LPIN2: variants seen among roughly 807,000 people sequenced by gnomAD.
LPIN2 encodes lipin 2.
Under a neutral mutation model 111.4 loss-of-function variants are expected in LPIN2, and 55 were observed. The ratio of observed to expected loss-of-function variants is 0.49; its 90% CI spans 0.40 to 0.62. LPIN2 has a LOEUF of 0.62. Ranked by LOEUF, LPIN2 falls within the 20% of genes least tolerant of loss-of-function variation. LPIN2 has a pLI of 0.00. For synonymous variants in LPIN2, 425 were observed against 414.0 expected (o/e 1.03, Z -0.32); for missense variants, 992 against 1,112.1 (o/e 0.89, Z 1.54).
intron 9 of LPIN2, 81 bp downstream of exon 9, chr18:2,931,175 A>G (rs1336526814): frequency 2.1e-6 from 3 of 1,461,886 alleles, no homozygotes; most frequent in Non-Finnish European, 2.8e-6. Flanking sequence ...AATATCCTGA[A>G]ATGGCTACAC....
At chr18:2,995,959 C>CCA (rs1162658278) in intron 1 of LPIN2, among the ~76,000 whole-genome samples, 1 of 152,130 alleles carries the variant, frequency 6.6e-6, no homozygotes, top group Admixed American at 6.5e-5. Context: ...AAGCAGGGTA[C>CCA]CAAGCTTCCT....
intron 1 of LPIN2, among the ~76,000 whole-genome samples, chr18:2,987,517 C>T (rs1322983177): frequency 1.3e-5 from 2 of 152,092 alleles, no homozygotes; most frequent in Non-Finnish European, 2.9e-5. Flanking sequence ...TTATTTTTTT[C>T]CACGTGGACA....
intron 1 of LPIN2, chr18:2,990,849 G>T: frequency 2.3e-6 from 1 of 440,490 alleles, no homozygotes. Context: ...TTCCCCGCCG[G>T]CAGGGACAAT....
At chr18:2,966,550 C>A (rs2077807040) in intron 1 of LPIN2, among the ~76,000 whole-genome samples, 1 of 152,206 alleles carries the variant, frequency 6.6e-6, no homozygotes, top group African/African-American at 2.4e-5. Context: ...AGAACCTAAG[C>A]CCTTAATTGC....
intron 1 of LPIN2, among the ~76,000 whole-genome samples, chr18:2,987,256 CAG>C (rs545159855): frequency 1.3e-5 from 2 of 152,232 alleles, no homozygotes; most frequent in Admixed American, 1.3e-4. Flanking sequence ...CTCACAATAA[CAG>C]GGGTGGCTCA....
At chr18:2,984,266 C>T (rs1181684668) in intron 1 of LPIN2, among the ~76,000 whole-genome samples, 1 of 152,074 alleles carries the variant, frequency 6.6e-6, no homozygotes, top group Non-Finnish European at 1.5e-5. Flanking sequence ...GCCTTCTAGC[C>T]CAGCATAGTA....
At chr18:2,923,509 T>G (rs1301300712) in intron 16 of LPIN2, among the ~76,000 whole-genome samples, 3 of 141,336 alleles carry the variant, frequency 2.1e-5, no homozygotes, top group African/African-American at 7.9e-5. Flanking sequence ...AAATTCTAGC[T>G]AAAAAAATAA....
chr18:2,937,605 A>C lies in LPIN2; in HGVS notation c.1168+87T>G, dbSNP rs560308554. On this transcript the variant is annotated intron_variant, in intron 7 of 19. Coordinates refer to ENST00000677752, the MANE Select transcript of LPIN2 (RefSeq NM_001375808.2). ...GGTTTCGACTGGTGAATACAAATAC[A>C]GAGGCAGCCATCACGTTATGTGGAA... 52 of 1,047,352 alleles carry C rather than the reference A, an allele frequency of 5.0e-5. No homozygotes were observed. In the African/African-American group the frequency reaches 7.0e-4, roughly 14 times the overall value. The allele number at this position is 1,047,352 out of a possible 1,614,324, so 64.9% of individuals were successfully genotyped here.
chr18:2,942,038 C>T (rs902223497), intron 4 of LPIN2, among the ~76,000 whole-genome samples: 2 of 152,128 alleles, frequency 1.3e-5, no homozygotes, highest in Non-Finnish European at 2.9e-5. Flanking sequence ...TGAGAATATC[C>T]ACATCACTTA....
intron 3 of LPIN2, among the ~76,000 whole-genome samples, chr18:2,952,168 T>C (rs1033187478): frequency 6.6e-6 from 1 of 152,238 alleles, no homozygotes; most frequent in Non-Finnish European, 1.5e-5. Flanking sequence ...GGCTCACGCC[T>C]GCAATCCCAG....
chr18:2,953,942 G>A (rs1215932984), intron 3 of LPIN2, among the ~76,000 whole-genome samples: 1 of 152,012 alleles, frequency 6.6e-6, no homozygotes, highest in Non-Finnish European at 1.5e-5. Context: ...TGGGGAGGGG[G>A]GATTTTAACA....
rs1450552521 is a variant in LPIN2 at position 2,925,693 on chromosome 18, CAT to C, written c.1794-327_1794-326del. ...TTCACAAGGCACAAATCAAAGAAAA[CAT>C]AATCGCTTACAATGATTTAACAAAC... On this transcript the variant is annotated intron_variant, in intron 13 of 19. Transcript: ENST00000677752. The surrounding 1 kb of genome is among the most constrained non-coding windows in gnomAD (Gnocchi z 4.1). Among the ~76,000 whole-genome samples, 1 of 152,222 alleles carries C rather than the reference CAT, an allele frequency of 6.6e-6. No homozygotes were observed. Among genetic ancestry groups the C allele is most frequent in the Non-Finnish European group, 1.5e-5 (1 of 68,040 alleles).
chr18:2,937,791 A>G lies in LPIN2; in HGVS notation c.1069T>C (p.Ser357Pro). 1 of 1,614,094 alleles carries G rather than the reference A, an allele frequency of 6.2e-7. No individual in the cohort carries two copies. Among genetic ancestry groups the G allele is most frequent in the Non-Finnish European group, 8.5e-7 (1 of 1,180,024 alleles). Reference sequence around the variant, plus strand: ...GGAAGGTGGTCAGCATCTAACATAGATGAAATCTGAGTACTCTCAAGAGGA... The same window carrying G: ...GGAAGGTGGTCAGCATCTAACATAGGTGAAATCTGAGTACTCTCAAGAGGA... ...EPPLESTQIS[S>P]MLDADHLPNA... Residue 357 changes from serine to proline, a missense_variant, in exon 7 of 20, where the codon TCT (serine) becomes CCT (proline). By Grantham distance (74) the Ser-to-Pro change is moderately conservative (BLOSUM62 -1). Transcript: ENST00000677752.
intron 2 of LPIN2, among the ~76,000 whole-genome samples, chr18:2,956,450 C>T (rs186315017): frequency 2.7e-3 from 406 of 152,102 alleles, no homozygotes; most frequent in South Asian, 6.0e-3. Flanking sequence ...GATCTTTGTT[C>T]GTAAATACTA....
rs1461281935 is a variant in LPIN2 at position 2,944,863 on chromosome 18, A to C, written c.591-4151T>G. Among the ~76,000 whole-genome samples, 3 of 152,314 alleles carry C rather than the reference A, an allele frequency of 2.0e-5. No homozygotes were observed. The East Asian group carries it at 5.8e-4, about 29-fold the overall frequency. Reference sequence around the variant, plus strand: ...TCTTATAAAATGGTGAATTTTAATCAAATTGATACCTCTGTATTCTTATTT... The same window carrying C: ...TCTTATAAAATGGTGAATTTTAATCCAATTGATACCTCTGTATTCTTATTT... On this transcript the variant is annotated intron_variant, in intron 4 of 19. Coordinates refer to ENST00000677752, the MANE Select transcript of LPIN2 (RefSeq NM_001375808.2).
chr18:2,926,245 G>A (rs1304423918), intron 13 of LPIN2, among the ~76,000 whole-genome samples: 1 of 152,244 alleles, frequency 6.6e-6, no homozygotes, highest in Non-Finnish European at 1.5e-5. Flanking sequence ...CAAGGGCTGG[G>A]AGAAGCAAGC....
At chr18:2,920,464 C>T (rs745642226) in intron 19 of LPIN2, 27 bp from the exon 20 acceptor site, 5 of 1,613,064 alleles carry the variant, frequency 3.1e-6, no homozygotes, top group East Asian at 2.2e-5. Flanking sequence ...GGAAGAGGCA[C>T]AGGCTATTAC....
chr18:3,000,046 T>C (rs1195127380), intron 1 of LPIN2, among the ~76,000 whole-genome samples: 4 of 149,574 alleles, frequency 2.7e-5, no homozygotes, highest in African/African-American at 9.8e-5. Flanking sequence ...TTTTTTCTTT[T>C]AAAAAGAAGA....
chr18:3,005,676 T>TACACACACACACACACACAC (rs34050872), intron 1 of LPIN2, among the ~76,000 whole-genome samples: 1 of 146,910 alleles, frequency 6.8e-6, no homozygotes, highest in Non-Finnish European at 1.5e-5. Context: ...GACACTATCT[T>TACACACACACACACACACAC]ACACACACAC....
Sources: gnomAD v4.1 joint callset for allele counts (sites outside exome capture counted in the v4.1 genomes callset) on GRCh38, gnomAD v4.1.1 for gene constraint, Gnocchi (gnomAD v3.1) non-coding constraint, MANE v1.5 for transcripts, NCBI Gene and HGNC (gene_info 2026-07-23, HGNC 2026-07-21) for gene names.